The following MRPL20 variants were observed in gnomAD, a reference collection of about 807,000 sequenced individuals.
MRPL20 encodes the protein mitochondrial ribosomal protein L20.
MRPL20 carries 21 observed loss-of-function variants against 20.0 expected under a neutral mutation model. The observed-to-expected ratio is 1.05, with a 90% CI of 0.74 to 1.51. The LOEUF (loss-of-function observed/expected upper bound fraction) is 1.51. Among genes scored for constraint, MRPL20 ranks in the 40% most tolerant of loss-of-function variants. The pLI is 0.00. For missense variants in MRPL20, 252 were observed against 185.6 expected (o/e 1.36, Z -2.08); for synonymous variants, 104 against 73.0 (o/e 1.43, Z -2.17).
chr1:1,405,538 A>T (rs905362514), intron 3 of MRPL20: 1 of 628,866 alleles, frequency 1.6e-6, no homozygotes, highest in Non-Finnish European at 2.9e-6. Context: ...TCAACATGGG[A>T]ATTGTGACCT....
At chr1:1,406,721 C>T (rs1450387604) in intron 2 of MRPL20, 188 bp downstream of exon 2, 1 of 569,266 alleles carries the variant, frequency 1.8e-6, no homozygotes, top group Non-Finnish European at 3.1e-6. Context: ...GTGGGGGTGG[C>T]GGCGGGGCGG....
chr1:1,407,024 G>A lies in MRPL20; in HGVS notation c.88-5C>T. 1 of 1,613,174 alleles carries A rather than the reference G, an allele frequency of 6.2e-7. No homozygotes were observed. The highest frequency in any genetic ancestry group is 8.5e-7 in the Non-Finnish European group (1 of 1,179,144). On this transcript the variant is annotated splice_polypyrimidine_tract_variant and splice_region_variant and intron_variant, in intron 1 of 3. Coordinates refer to ENST00000344843, the MANE Select transcript of MRPL20 (RefSeq NM_017971.4). ...ATTTTTCCTTCCCCGGAAGTGCTGG[G>A]ACAGAAAACGAGAAACCAGGGTTGT...
intron 3 of MRPL20, among the ~76,000 whole-genome samples, chr1:1,404,157 CTT>C (rs770147398): frequency 3.4e-5 from 5 of 145,494 alleles, no homozygotes; most frequent in Non-Finnish European, 4.6e-5. Context: ...ATTGTTTTAA[CTT>C]TTTTTTTTTT....
intron 2 of MRPL20, 123 bp downstream of exon 2, chr1:1,406,786 G>T: frequency 1.2e-6 from 1 of 836,818 alleles, no homozygotes; most frequent in Non-Finnish European, 2.0e-6. Context: ...TCGGAGTTTC[G>T]AAGCAAGGTA....
intron 3 of MRPL20, among the ~76,000 whole-genome samples, chr1:1,403,290 CT>C (rs1490489434): frequency 1.3e-4 from 20 of 151,848 alleles, no homozygotes; most frequent in Admixed American, 1.3e-4. Context: ...GTCGCCCAAG[CT>C]GGAGTGCAGT....
chr1:1,405,436 A>G lies in MRPL20; in HGVS notation c.276+373T>C, dbSNP rs1425414723. 6.8e-6 allele frequency: 4 copies of G among 590,998 alleles called. No individual in the cohort carries two copies. The African/African-American group carries it at 7.5e-5, about 11-fold the overall frequency. 36.6% of individuals were successfully genotyped at this position (590,998 alleles called of 1,614,324 possible). ...ACATTACATGTCTCTGTACCACCAC[A>G]CCCAGCAAATTTTATTTTTTTGTAG... On this transcript the variant is annotated intron_variant, in intron 3 of 3. Transcript: ENST00000344843.
Position 1,402,153 on chromosome 1 carries a change from C to T in MRPL20, c.380G>A (p.Gly127Glu). 1 of 1,614,146 alleles carries T rather than the reference C, an allele frequency of 6.2e-7. No homozygotes were observed. Among genetic ancestry groups the T allele is most frequent in the Non-Finnish European group, 8.5e-7 (1 of 1,180,024 alleles). ...AALASRRRHE[G>E]FAAALGDGKE... ...CCCATCCCCCAAGGCAGCAGCAAAT[C>T]CTTCGTGTCGCCTCCTACTGGCCAA... Residue 127 changes from glycine (G) to glutamate (E), a missense_variant, in exon 4 of 4, where the codon GGA becomes GAA. Transcript: ENST00000344843.
chr1:1,406,870 G>C, intron 2 of MRPL20, 39 bp downstream of exon 2: 1 of 1,557,784 alleles, frequency 6.4e-7, no homozygotes, highest in South Asian at 1.1e-5. Context: ...CAGGGGCCGC[G>C]AGTGCGCTGG....
chr1:1,405,706 C>T, intron 3 of MRPL20, 103 bp downstream of exon 3: 2 of 1,595,172 alleles, frequency 1.3e-6, no homozygotes, highest in Non-Finnish European at 1.7e-6. Context: ...CCTCTGGCCT[C>T]AGCCTCCTGA....
chr1:1,402,467 G>C, intron 3 of MRPL20: 2 of 1,320,846 alleles, frequency 1.5e-6, no homozygotes, highest in Non-Finnish European at 9.7e-7. Flanking sequence ...AGCACCTGTG[G>C]AATCTGCAGG....
At chr1:1,404,091 T>C (rs1358870270) in intron 3 of MRPL20, among the ~76,000 whole-genome samples, 1 of 151,976 alleles carries the variant, frequency 6.6e-6, no homozygotes, top group Non-Finnish European at 1.5e-5. Flanking sequence ...AGCCCGCCTC[T>C]GCCTCTGCCT....
At position 1,407,280 on chromosome 1, in the gene MRPL20, C is replaced by G. The variant is rs1645394995; in HGVS notation, c.-63G>C. On this transcript the variant is annotated 5_prime_UTR_variant, in exon 1 of 4. Coordinates refer to ENST00000344843, the MANE Select transcript of MRPL20 (RefSeq NM_017971.4). ...CACGCGCAGCGCCGCTGCCATCTTG[C>G]CCGGGTCGGAAATGGTGGTCACGAG... 1.4e-6 allele frequency: 2 copies of G among 1,442,060 alleles called. No individual in the cohort carries two copies. The highest frequency in any genetic ancestry group is 1.9e-6 in the Non-Finnish European group (2 of 1,053,552). 89.3% of individuals were successfully genotyped at this position (1,442,060 alleles called of 1,614,324 possible). A position where few individuals can be genotyped will look rare whatever the true frequency, so the allele number is the denominator to read the frequency against.
Position 1,405,807 on chromosome 1 carries a change from A to G in MRPL20, c.276+2T>C. 5 of 1,614,024 alleles carry G rather than the reference A, an allele frequency of 3.1e-6. No homozygotes were observed. Among genetic ancestry groups the G allele is most frequent in the Non-Finnish European group, 4.2e-6 (5 of 1,180,002 alleles). On this transcript the variant is annotated splice_donor_variant, in intron 3 of 3. Transcript: ENST00000344843. LOFTEE classifies it high-confidence loss of function. ...CAGTGGGACCCACATACTCACCCAT[A>G]CCTTAACTAAATTCCCAATGAGCGC... is the stretch of plus-strand genomic sequence containing the variant.
intron 3 of MRPL20, chr1:1,405,370 G>T (rs923216590): frequency 2.0e-6 from 1 of 498,592 alleles, no homozygotes; most frequent in Non-Finnish European, 3.6e-6. Context: ...AACTCCTGGG[G>T]GCTCAAAGTG....
At chr1:1,402,716 G>T in intron 3 of MRPL20, 2 of 798,540 alleles carry the variant, frequency 2.5e-6, no homozygotes, top group Non-Finnish European at 3.0e-6. Context: ...AGGGCACGGT[G>T]TCTCGCCTGT....
chr1:1,403,940 C>T (rs1570066038), intron 3 of MRPL20, among the ~76,000 whole-genome samples: 1 of 152,210 alleles, frequency 6.6e-6, no homozygotes, highest in Admixed American at 6.5e-5. Context: ...CTTCTGGATT[C>T]AAGCCAATCT....
chr1:1,401,936 A>C lies in MRPL20; in HGVS notation c.*147T>G, dbSNP rs2100390385. On this transcript the variant is annotated 3_prime_UTR_variant, in exon 4 of 4. Coordinates refer to ENST00000344843, the MANE Select transcript of MRPL20 (RefSeq NM_017971.4). ...AAGAGTGTTTGAGTTTCATTCACAC[A>C]AAACATGGACATCATCTGTGAGGCT... is the stretch of plus-strand genomic sequence containing the variant. 5 of 959,274 alleles carry C rather than the reference A, an allele frequency of 5.2e-6. No individual in the cohort carries two copies. In the South Asian group the frequency reaches 8.4e-5, roughly 16 times the overall value. The allele number at this position is 959,274 out of a possible 1,614,324, so 59.4% of individuals were successfully genotyped here.
chr1:1,404,368 A>G (rs892951161), intron 3 of MRPL20, among the ~76,000 whole-genome samples: 10 of 151,650 alleles, frequency 6.6e-5, no homozygotes, highest in African/African-American at 9.7e-5. Context: ...GTTAGCCAGG[A>G]TGGTCTCGAT....
At chr1:1,404,521 G>C (rs1262260680) in intron 3 of MRPL20, among the ~76,000 whole-genome samples, 3 of 146,866 alleles carry the variant, frequency 2.0e-5, no homozygotes, top group Non-Finnish European at 4.5e-5. Flanking sequence ...TTTTTTTTGA[G>C]ACAGAGTCTC....
Sources: gnomAD v4.1 joint callset for allele counts (sites outside exome capture counted in the v4.1 genomes callset) on GRCh38, gnomAD v4.1.1 for gene constraint, MANE v1.5 for transcripts, NCBI Gene and HGNC (gene_info 2026-07-23, HGNC 2026-07-21) for gene names.